The following CACNA1C variants were observed in gnomAD, a reference collection of about 807,000 sequenced individuals.
CACNA1C encodes the protein voltage-dependent L-type calcium channel subunit alpha-1C.
In CACNA1C, 30 loss-of-function variants were observed where a neutral mutation model predicts 229.0. The observed-to-expected ratio is 0.13, with a 90% CI of 0.10 to 0.18. The LOEUF (loss-of-function observed/expected upper bound fraction) is 0.18. Ranked by LOEUF, CACNA1C falls within the 10% of genes least tolerant of loss-of-function variation. The probability of loss-of-function intolerance (pLI) is 1.00; values close to 1 mark genes in which losing one functional copy is unlikely to be tolerated. For synonymous variants in CACNA1C, 1,114 were observed against 1,132.5 expected, an observed-to-expected ratio of 0.98 and a Z score of 0.33; for missense variants, 1,658 against 2,845.0, an observed-to-expected ratio of 0.58 and a Z score of 9.49.
At chr12:2,302,447 C>T (rs1332008197) in intron 3 of CACNA1C, among the ~76,000 whole-genome samples, 1 of 151,966 alleles carries the variant, frequency 6.6e-6, no homozygotes, top group Non-Finnish European at 1.5e-5. Context: ...TCCCTTGCCT[C>T]GTCCATACTG....
At chr12:2,688,323 G>T in intron 45 of CACNA1C, 124 bp from the exon 46 acceptor site, 1 of 815,230 alleles carries the variant, frequency 1.2e-6, no homozygotes, top group South Asian at 1.5e-5. Flanking sequence ...AATGGCATGG[G>T]AATACCAGGC....
intron 3 of CACNA1C, among the ~76,000 whole-genome samples, chr12:2,336,854 A>T (rs2096711574): frequency 6.6e-6 from 1 of 152,156 alleles, no homozygotes; most frequent in Non-Finnish European, 1.5e-5. Context: ...GAGCGAGTGG[A>T]GTGCCATGTC....
At chr12:2,650,156 TCTC>T (rs1053026480) in intron 31 of CACNA1C, among the ~76,000 whole-genome samples, 1 of 152,126 alleles carries the variant, frequency 6.6e-6, no homozygotes, top group Non-Finnish European at 1.5e-5. Context: ...TTTTTGCTCT[TCTC>T]CTGTTTGGAA....
rs3055514 is a variant in CACNA1C at position 2,287,974 on chromosome 12, A to AT, written c.478-160987dup. The AT allele has an allele frequency of 0.22, 31,602 of 143,546 alleles. 4,281 individuals carry two copies. The highest frequency in any genetic ancestry group is 0.31 in the Non-Finnish European group (20,385 of 65,774). 8.9% of individuals were successfully genotyped at this position (143,546 alleles called of 1,614,324 possible). A position where few individuals can be genotyped will look rare whatever the true frequency, so the allele number is the denominator to read the frequency against. ...GGCTGAAAACGATTTCTGATCATTG[A>AT]TTTTTTTTTTTTTTTGCATCATCCA... On this transcript the variant is annotated intron_variant, in intron 3 of 46. Transcript: ENST00000399655. This position sits in a 1 kb window ranked among gnomAD's most constrained non-coding sequence, Gnocchi z 4.6.
chr12:2,258,737 A>G (rs2078926938), intron 3 of CACNA1C, among the ~76,000 whole-genome samples: 1 of 152,152 alleles, frequency 6.6e-6, no homozygotes, highest in Non-Finnish European at 1.5e-5. Flanking sequence ...GTATTTTAAG[A>G]CGCCTGAATA....
chr12:2,366,437 A>G (rs960351354), intron 3 of CACNA1C, among the ~76,000 whole-genome samples: 12 of 152,212 alleles, frequency 7.9e-5, no homozygotes, highest in African/African-American at 2.9e-4. Flanking sequence ...ATACAAGACT[A>G]AATTGGTAAT....
intron 3 of CACNA1C, among the ~76,000 whole-genome samples, chr12:2,164,161 G>A (rs1448195871): frequency 1.3e-5 from 2 of 152,140 alleles, no homozygotes; most frequent in African/African-American, 4.8e-5. Flanking sequence ...TCCATGTTGG[G>A]GCTTTTAAGA....
At chr12:2,334,909 C>A (rs759484392) in intron 3 of CACNA1C, among the ~76,000 whole-genome samples, 1 of 152,128 alleles carries the variant, frequency 6.6e-6, no homozygotes, top group African/African-American at 2.4e-5. Flanking sequence ...AAGACCGTAA[C>A]GCCTTTCTTA....
intron 1 of CACNA1C, among the ~76,000 whole-genome samples, chr12:1,988,662 G>T (rs191159382): frequency 2.0e-5 from 3 of 152,244 alleles, no homozygotes; most frequent in Non-Finnish European, 2.9e-5. Context: ...GAGAATTTCA[G>T]GAAAACTAGG....
intron 38 of CACNA1C, chr12:2,672,247 CTT>C (rs2096600537): frequency 6.6e-6 from 1 of 152,170 alleles, no homozygotes; most frequent in Admixed American, 6.5e-5. Context: ...AAGCTTCTCT[CTT>C]GGAACATAAA....
chr12:2,584,052 T>C (rs1405479304), intron 15 of CACNA1C, among the ~76,000 whole-genome samples: 2 of 152,218 alleles, frequency 1.3e-5, no homozygotes, highest in Non-Finnish European at 2.9e-5. Context: ...CCAAGGGTCT[T>C]CGTGGGTGCA....
chr12:2,162,872 A>T (rs1286958315), intron 3 of CACNA1C, among the ~76,000 whole-genome samples: 1 of 152,170 alleles, frequency 6.6e-6, no homozygotes, highest in Non-Finnish European at 1.5e-5. Context: ...ACCAGCACAA[A>T]GCCATTGCCT....
intron 29 of CACNA1C, among the ~76,000 whole-genome samples, chr12:2,620,373 C>T (rs2082642223): frequency 6.6e-6 from 1 of 152,196 alleles, no homozygotes; most frequent in South Asian, 2.1e-4. Flanking sequence ...CCTATTAAAA[C>T]AAGAAATGTG....
rs2095855783 is a variant in CACNA1C, at chr12:2,319,379, T to A, written c.478-129597T>A. ...TGTGCTTGGTAGGCAGCGTACCTGA[T>A]GGGTGGCGTACATGGGCAGCGTACA... On this transcript the variant is annotated intron_variant, in intron 3 of 46. Transcript: ENST00000399655. The surrounding 1 kb of genome is among the most constrained non-coding windows in gnomAD (Gnocchi z 4.0). Among the ~76,000 whole-genome samples the A allele has an allele frequency of 6.6e-6, 1 of 152,042 alleles. No individual in the cohort carries two copies. Among genetic ancestry groups the A allele is most frequent in the Non-Finnish European group, 1.5e-5 (1 of 67,992 alleles).
Position 2,539,857 on chromosome 12 carries a change from G to A in CACNA1C, c.1391-10086G>A, listed in dbSNP as rs549032012. Among the ~76,000 whole-genome samples the A allele has an allele frequency of 1.2e-3, 143 of 119,512 alleles. 1 individual carries two copies. The highest frequency in any genetic ancestry group is 1.1e-4 in the Non-Finnish European group (6 of 56,920). The allele number at this position is 119,512 out of a possible 152,430, so 78.4% of individuals were successfully genotyped here. A position where few individuals can be genotyped will look rare whatever the true frequency, so the allele number is the denominator to read the frequency against. ...CATAAAGATGCAGGCAGGGTTTAAG[G>A]ACTTAAGGAGGGTTTCATAAAGATG... On this transcript the variant is annotated intron_variant, in intron 9 of 46. Coordinates refer to ENST00000399655, the MANE Select transcript of CACNA1C (RefSeq NM_000719.7).
At chr12:2,104,877 T>C (rs1478090952) in intron 1 of CACNA1C, among the ~76,000 whole-genome samples, 1 of 152,216 alleles carries the variant, frequency 6.6e-6, no homozygotes, top group Non-Finnish European at 1.5e-5. Flanking sequence ...CATTTGGTTA[T>C]TATGGCAAAA....
At chr12:2,487,188 A>G (rs777356255) in intron 6 of CACNA1C, among the ~76,000 whole-genome samples, 14 of 152,020 alleles carry the variant, frequency 9.2e-5, no homozygotes, top group Non-Finnish European at 1.9e-4. Flanking sequence ...TGTTAAATAT[A>G]TATGATTTTT....
intron 3 of CACNA1C, among the ~76,000 whole-genome samples, chr12:2,344,905 A>G (rs901301735): frequency 6.6e-6 from 1 of 151,862 alleles, no homozygotes. Context: ...TCTTTAAGAA[A>G]TATTTACTTT....
chr12:2,507,235 C>A (rs1436297597), intron 8 of CACNA1C, among the ~76,000 whole-genome samples: 5 of 152,202 alleles, frequency 3.3e-5, no homozygotes, highest in African/African-American at 1.2e-4. Flanking sequence ...GCTCCTGAAT[C>A]ACTGATAGAA....
Sources: allele counts gnomAD v4.1 joint callset (sites outside exome capture counted in the v4.1 genomes callset), GRCh38; gene constraint gnomAD v4.1.1; non-coding constraint Gnocchi (gnomAD v3.1); transcripts MANE v1.5; gene names NCBI Gene and HGNC (gene_info 2026-07-23, HGNC 2026-07-21).